The following F13A1 variants were observed in gnomAD, a reference collection of about 807,000 sequenced individuals.
F13A1 encodes the protein FSF, A subunit.
Under a neutral mutation model 80.1 loss-of-function variants are expected in F13A1, and 47 were observed. That is an observed-to-expected ratio of 0.59 (90% CI 0.46 to 0.75). The LOEUF (loss-of-function observed/expected upper bound fraction) is 0.75, where lower values mean the gene tolerates loss of function less well. Ranked by LOEUF, F13A1 falls within the 30% of genes least tolerant of loss-of-function variation. The probability of loss-of-function intolerance (pLI) is 0.00; values close to 1 mark genes in which losing one functional copy is unlikely to be tolerated. For missense variants in F13A1, 817 were observed against 930.4 expected (o/e 0.88, Z 1.59); for synonymous variants, 349 against 344.9 (o/e 1.01, Z -0.13).
At chr6:6,149,996 C>T (rs1305976234) in intron 14 of F13A1, among the ~76,000 whole-genome samples, 1 of 152,222 alleles carries the variant, frequency 6.6e-6, no homozygotes, top group Admixed American at 6.5e-5. Context: ...AATAGTGGGT[C>T]ATTGCACTGT....
At chr6:6,195,353 G>A (rs1220107345) in intron 10 of F13A1, among the ~76,000 whole-genome samples, 1 of 152,204 alleles carries the variant, frequency 6.6e-6, no homozygotes, top group African/African-American at 2.4e-5. Flanking sequence ...AGATTGCAAA[G>A]GCCAGGGTAA....
At chr6:6,147,914 G>A (rs566783493) in intron 14 of F13A1, among the ~76,000 whole-genome samples, 1 of 152,256 alleles carries the variant, frequency 6.6e-6, no homozygotes, top group East Asian at 1.9e-4. Flanking sequence ...TGTGATAAAC[G>A]ATTCTCAGTA....
chr6:6,319,807 G>A (rs1185860491), intron 1 of F13A1, among the ~76,000 whole-genome samples: 1 of 152,180 alleles, frequency 6.6e-6, no homozygotes, highest in African/African-American at 2.4e-5. Flanking sequence ...AGACAGGAGT[G>A]TTTGGATGCA....
rs1760587550 is a variant in F13A1, at chr6:6,162,251, T to A, written c.1908+5207A>T. 8.0e-6 allele frequency among the ~76,000 whole-genome samples: 1 copy of A among 125,304 alleles called. No individual in the cohort carries two copies. The highest frequency in any genetic ancestry group is 2.6e-4 in the South Asian group (1 of 3,802). 82.2% of individuals were successfully genotyped at this position (125,304 alleles called of 152,430 possible). A position where few individuals can be genotyped will look rare whatever the true frequency, so the allele number is the denominator to read the frequency against. On this transcript the variant is annotated intron_variant, in intron 13 of 14. Coordinates refer to ENST00000264870, the MANE Select transcript of F13A1 (RefSeq NM_000129.4). This position sits in a 1 kb window ranked among gnomAD's most constrained non-coding sequence, Gnocchi z 4.2. ...TTTTCAGGTTACCCTTACTCATCCC[T>A]GCTCCCAGCCTCCACCCCAGCCAAG...
At chr6:6,312,823 G>T (rs1789866184) in intron 2 of F13A1, among the ~76,000 whole-genome samples, 1 of 152,106 alleles carries the variant, frequency 6.6e-6, no homozygotes, top group Admixed American at 6.5e-5. Flanking sequence ...GTTCCAGACT[G>T]TAGTCAAATG....
At chr6:6,180,381 TC>T (rs1760958310) in intron 11 of F13A1, among the ~76,000 whole-genome samples, 1 of 152,208 alleles carries the variant, frequency 6.6e-6, no homozygotes, top group Admixed American at 6.5e-5. Flanking sequence ...TCTGCTTTTC[TC>T]CCCAGCTGCA....
In F13A1 at chr6:6,151,963, T is replaced by G; in HGVS notation, c.1909-14A>C. Reference sequence around the variant, plus strand: ...AGTGCCACGGACCTAAGAGAGAGAATGCAGGTCATTAGCACCAAATAAAAC... The same window carrying G: ...AGTGCCACGGACCTAAGAGAGAGAAGGCAGGTCATTAGCACCAAATAAAAC... On this transcript the variant is annotated splice_polypyrimidine_tract_variant and intron_variant, in intron 13 of 14. Coordinates refer to ENST00000264870, the MANE Select transcript of F13A1 (RefSeq NM_000129.4). 2 of 1,613,862 alleles carry G rather than the reference T, an allele frequency of 1.2e-6. No homozygotes were observed. The highest frequency in any genetic ancestry group is 1.7e-6 in the Non-Finnish European group (2 of 1,179,852).
intron 13 of F13A1, among the ~76,000 whole-genome samples, chr6:6,163,355 G>A (rs1379034249): frequency 6.6e-6 from 1 of 152,108 alleles, no homozygotes; most frequent in Non-Finnish European, 1.5e-5. Context: ...TTTATTTTAA[G>A]TTCAGGGGTA....
At position 6,215,138 on chromosome 6, in the gene F13A1, C is replaced by T. The variant is rs1372648736; in HGVS notation, c.1112+6895G>A. On this transcript the variant is annotated intron_variant, in intron 8 of 14. Transcript: ENST00000264870. The stretch of plus-strand genomic sequence containing the variant: ...TGGTACCATTCTTTCTGAAACTATT[C>T]CAATCAATAGAAAAAGAGGGAATCC... Among the ~76,000 whole-genome samples the T allele has an allele frequency of 4.5e-4, 55 of 121,074 alleles. 2 individuals are homozygous for T. The highest frequency in any genetic ancestry group is 1.2e-3 in the African/African-American group (39 of 33,638). 79.4% of individuals were successfully genotyped at this position (121,074 alleles called of 152,430 possible).
chr6:6,239,677 A>T (rs1308737194), intron 6 of F13A1, among the ~76,000 whole-genome samples: 1 of 151,602 alleles, frequency 6.6e-6, no homozygotes. Flanking sequence ...ATATTTTACT[A>T]ATTGACAATA....
chr6:6,204,740 CAGAA>C (rs1210536734), intron 8 of F13A1, among the ~76,000 whole-genome samples: 1 of 152,202 alleles, frequency 6.6e-6, no homozygotes, highest in Non-Finnish European at 1.5e-5. Context: ...AGGAAGATGA[CAGAA>C]AGGAATTATT....
Position 6,182,246 on chromosome 6 carries a change from G to T in F13A1, c.1306-105C>A. 7 of 1,246,430 alleles carry T rather than the reference G, an allele frequency of 5.6e-6. No individual in the cohort carries two copies. In the Admixed American group the frequency reaches 7.2e-5, roughly 13 times the overall value. The allele number at this position is 1,246,430 out of a possible 1,614,324, so 77.2% of individuals were successfully genotyped here. A position where few individuals can be genotyped will look rare whatever the true frequency, so the allele number is the denominator to read the frequency against. On this transcript the variant is annotated intron_variant, in intron 10 of 14. Transcript: ENST00000264870. ...GTCTAGAGATCTCTGGAGCTGACATGCCCCTTTCTTCAACAACATTGGATT... is the reference window on the plus strand; with the variant it reads ...GTCTAGAGATCTCTGGAGCTGACATTCCCCTTTCTTCAACAACATTGGATT...
intron 6 of F13A1, among the ~76,000 whole-genome samples, chr6:6,233,658 C>T (rs1757379513): frequency 6.6e-6 from 1 of 152,038 alleles, no homozygotes; most frequent in Admixed American, 6.6e-5. Flanking sequence ...AAGGAAACTA[C>T]AGACCAATAT....
intron 3 of F13A1, among the ~76,000 whole-genome samples, chr6:6,286,341 G>A (rs988108813): frequency 4.3e-4 from 65 of 152,180 alleles, no homozygotes; most frequent in African/African-American, 1.4e-3. Context: ...AGCTGAGATC[G>A]CGCCACTTCT....
intron 11 of F13A1, among the ~76,000 whole-genome samples, chr6:6,178,045 G>A (rs1324946858): frequency 6.2e-4 from 1 of 1,610 alleles, no homozygotes; most frequent in Non-Finnish European, 4.3e-3. Flanking sequence ...CACAGGGAGA[G>A]GGGGGGGGGG....
chr6:6,217,529 G>C (rs571823425), intron 8 of F13A1, among the ~76,000 whole-genome samples: 2 of 120,398 alleles, frequency 1.7e-5, no homozygotes, highest in African/African-American at 6.2e-5. Context: ...GGCCTGTTGT[G>C]GGGTGGGGGG....
chr6:6,277,677 A>C (rs1203203335), intron 3 of F13A1, among the ~76,000 whole-genome samples: 2 of 152,210 alleles, frequency 1.3e-5, no homozygotes, highest in Non-Finnish European at 2.9e-5. Flanking sequence ...TCAACCATGG[A>C]CTGGTTCTGG....
At chr6:6,311,648 T>TAAAAACATATTGTTTA (rs1203959020) in intron 2 of F13A1, among the ~76,000 whole-genome samples, 2 of 147,226 alleles carry the variant, frequency 1.4e-5, no homozygotes, top group Non-Finnish European at 3.0e-5. Context: ...TGTTTATATA[T>TAAAAACATATTGTTTA]TATATATTGT....
At chr6:6,284,770 C>A (rs983831939) in intron 3 of F13A1, among the ~76,000 whole-genome samples, 1 of 152,298 alleles carries the variant, frequency 6.6e-6, no homozygotes, top group Admixed American at 6.5e-5. Context: ...ATGGAGGGTA[C>A]ATACTTCGTA....
Sources: allele counts gnomAD v4.1 joint callset (sites outside exome capture counted in the v4.1 genomes callset), GRCh38; gene constraint gnomAD v4.1.1; non-coding constraint Gnocchi (gnomAD v3.1); transcripts MANE v1.5; gene names NCBI Gene and HGNC (gene_info 2026-07-23, HGNC 2026-07-21).